Variants in UBE2E2 observed in about 807,000 individuals in gnomAD.
The protein encoded by UBE2E2 is ubiquitin-conjugating enzyme E2 E2.
In UBE2E2, 6 loss-of-function variants were observed where a neutral mutation model predicts 24.7. The observed-to-expected ratio is 0.24, with a 90% confidence interval of 0.13 to 0.48. The LOEUF (loss-of-function observed/expected upper bound fraction) is 0.48, where lower values mean the gene tolerates loss of function less well. Among genes scored for constraint, UBE2E2 ranks in the 20% least tolerant of loss-of-function variants. UBE2E2 has a pLI of 0.99. For synonymous variants in UBE2E2, 104 were observed against 83.6 expected, an observed-to-expected ratio of 1.24 and a Z score of -1.33; for missense variants, 169 against 245.0, an observed-to-expected ratio of 0.69 and a Z score of 2.07.
At chr3:23,486,180 C>T (rs1360154354) in intron 3 of UBE2E2, among the ~76,000 whole-genome samples, 2 of 152,150 alleles carry the variant, frequency 1.3e-5, no homozygotes, top group Admixed American at 6.5e-5. Context: ...TGAGGTCTGC[C>T]CACTGTGCAC....
intron 5 of UBE2E2, among the ~76,000 whole-genome samples, chr3:23,567,628 A>G (rs1001374971): frequency 6.6e-6 from 1 of 152,186 alleles, no homozygotes; most frequent in Non-Finnish European, 1.5e-5. Flanking sequence ...ACGCCAAGTC[A>G]GTGACTTAAA....
chr3:23,532,984 C>T (rs1464450292), intron 5 of UBE2E2, among the ~76,000 whole-genome samples: 1 of 152,042 alleles, frequency 6.6e-6, no homozygotes, highest in African/African-American at 2.4e-5. Context: ...ATTAAGTTAT[C>T]CTGCCAAATA....
intron 3 of UBE2E2, among the ~76,000 whole-genome samples, chr3:23,256,528 A>T (rs1697726771): frequency 6.6e-6 from 1 of 152,198 alleles, no homozygotes; most frequent in African/African-American, 2.4e-5. Flanking sequence ...TTTAATTAAG[A>T]ACATTAAAGT....
chr3:23,473,801 T>C (rs115819816), intron 3 of UBE2E2, among the ~76,000 whole-genome samples: 4,417 of 152,248 alleles, frequency 0.029, 117 homozygotes, highest in East Asian at 0.13. Flanking sequence ...TATCCACGCA[T>C]TGATTGTGGA....
At chr3:23,562,682 G>T (rs1478037237) in intron 5 of UBE2E2, among the ~76,000 whole-genome samples, 2 of 152,196 alleles carry the variant, frequency 1.3e-5, no homozygotes, top group Non-Finnish European at 2.9e-5. Flanking sequence ...GAATTCAGCT[G>T]TGAATCCATT....
intron 5 of UBE2E2, among the ~76,000 whole-genome samples, chr3:23,570,293 G>T (rs1173622394): frequency 6.6e-6 from 1 of 152,006 alleles, no homozygotes. Context: ...ATGCCTTCTG[G>T]GTAACAGGTG....
At chr3:23,526,777 T>C (rs1285133746) in intron 4 of UBE2E2, among the ~76,000 whole-genome samples, 1 of 152,248 alleles carries the variant, frequency 6.6e-6, no homozygotes, top group Admixed American at 6.5e-5. Flanking sequence ...TGTGGTTTAA[T>C]TCATGAACAC....
intron 5 of UBE2E2, among the ~76,000 whole-genome samples, chr3:23,569,533 C>T (rs570869741): frequency 1.3e-5 from 2 of 152,264 alleles, no homozygotes; most frequent in South Asian, 4.2e-4. Flanking sequence ...AATATCTTGG[C>T]ATCTTGGCCT....
intron 4 of UBE2E2, among the ~76,000 whole-genome samples, chr3:23,515,313 C>T (rs1235661249): frequency 6.6e-6 from 1 of 152,056 alleles, no homozygotes; most frequent in Non-Finnish European, 1.5e-5. Context: ...GAGATATTTC[C>T]TCCTGCAGGT....
intron 3 of UBE2E2, among the ~76,000 whole-genome samples, chr3:23,352,068 G>C (rs1222251227): frequency 6.6e-6 from 1 of 152,114 alleles, no homozygotes; most frequent in Non-Finnish European, 1.5e-5. Flanking sequence ...TAGAGCTCAG[G>C]ATTAAGAAAC....
At chr3:23,306,267 T>C (rs1183762076) in intron 3 of UBE2E2, among the ~76,000 whole-genome samples, 1 of 152,196 alleles carries the variant, frequency 6.6e-6, no homozygotes, top group East Asian at 1.9e-4. Flanking sequence ...TGTGTCTCAG[T>C]TCTCTGACTA....
At chr3:23,409,076 T>C (rs1040169233) in intron 3 of UBE2E2, among the ~76,000 whole-genome samples, 5 of 152,188 alleles carry the variant, frequency 3.3e-5, no homozygotes, top group African/African-American at 1.2e-4. Flanking sequence ...ATGATTCTGA[T>C]GGCATTGTTG....
At chr3:23,362,647 C>G (rs1266998448) in intron 3 of UBE2E2, among the ~76,000 whole-genome samples, 1 of 152,104 alleles carries the variant, frequency 6.6e-6, no homozygotes, top group Non-Finnish European at 1.5e-5. Context: ...CCACAGGTAG[C>G]CAGGCAAGCA....
At chr3:23,446,310 A>T (rs1698429006) in intron 3 of UBE2E2, among the ~76,000 whole-genome samples, 1 of 152,206 alleles carries the variant, frequency 6.6e-6, no homozygotes, top group Non-Finnish European at 1.5e-5. Flanking sequence ...AACTCCTTAA[A>T]AAGTTTGGCA....
chr3:23,381,235 T>C (rs1311508527), intron 3 of UBE2E2, among the ~76,000 whole-genome samples: 1 of 152,230 alleles, frequency 6.6e-6, no homozygotes, highest in African/African-American at 2.4e-5. Flanking sequence ...AGTTAAGGTA[T>C]AGATTAGCTC....
intron 3 of UBE2E2, among the ~76,000 whole-genome samples, chr3:23,353,848 G>T (rs1472830173): frequency 1.3e-5 from 2 of 152,140 alleles, no homozygotes; most frequent in Non-Finnish European, 1.5e-5. Context: ...TCCCCATCAA[G>T]CTACCAATGA....
rs945118382 is a variant in UBE2E2 at position 23,529,376 on chromosome 3, T to A, written c.361-3178T>A. Among the ~76,000 whole-genome samples, 4 of 152,252 alleles carry A rather than the reference T, an allele frequency of 2.6e-5. No homozygotes were observed. The East Asian group carries it at 7.7e-4, about 29-fold the overall frequency. ...CTGTAGTTATACAGGATGTTTTCAT[T>A]GGGGAAAATTGAGTGAAAAATACAT... On this transcript the variant is annotated intron_variant, in intron 4 of 5. Transcript: ENST00000396703.
At chr3:23,511,723 C>T (rs1262403359) in intron 4 of UBE2E2, among the ~76,000 whole-genome samples, 1 of 152,208 alleles carries the variant, frequency 6.6e-6, no homozygotes, top group African/African-American at 2.4e-5. Flanking sequence ...ATTAAGTTCT[C>T]ACTGTTTGGG....
chr3:23,546,982 T>C (rs1695539311), intron 5 of UBE2E2, among the ~76,000 whole-genome samples: 1 of 152,210 alleles, frequency 6.6e-6, no homozygotes. Flanking sequence ...GCTTTTTTGA[T>C]GACTTGGATT....
Sources: allele counts gnomAD v4.1 joint callset (sites outside exome capture counted in the v4.1 genomes callset), GRCh38; gene constraint gnomAD v4.1.1; transcripts MANE v1.5; gene names NCBI Gene and HGNC (gene_info 2026-07-23, HGNC 2026-07-21).